Variants in AGL observed in about 807,000 individuals in gnomAD.
The protein encoded by AGL is amylo-alpha-1,6-glucosidase and 4-alpha-glucanotransferase, also known as glycogen debranching enzyme.
A neutral mutation model predicts 199.3 loss-of-function variants in AGL; 128 were observed. The ratio of observed to expected loss-of-function variants is 0.64; its 90% CI spans 0.56 to 0.74. AGL has a LOEUF of 0.74. Among genes scored for constraint, AGL ranks in the 30% least tolerant of loss-of-function variants. AGL has a pLI of 0.00. For missense variants in AGL, 1,809 were observed against 1,820.8 expected, an observed-to-expected ratio of 0.99 and a Z score of 0.12; for synonymous variants, 584 against 594.7, an observed-to-expected ratio of 0.98 and a Z score of 0.26.
chr1:99,916,837 TC>T, intron 33 of AGL, 106 bp downstream of exon 33: 2 of 1,239,948 alleles, frequency 1.6e-6, no homozygotes, highest in Non-Finnish European at 2.3e-6. Flanking sequence ...GCCCTAGGTA[TC>T]CCAATGAAAA....
Position 99,874,905 on chromosome 1 carries a change from A to G in AGL, c.1082+95A>G, listed in dbSNP as rs542376409. ...ATACTACTTATTAAAAACGCTTAAT[A>G]GAAAATGAAATAAAGTAATTCACTG... On this transcript the variant is annotated intron_variant, in intron 8 of 33. Transcript: ENST00000361915. The G allele has an allele frequency of 4.1e-4, 581 of 1,419,286 alleles. No individual in the cohort carries two copies. In the African/African-American group the frequency reaches 7.4e-3, roughly 18 times the overall value. 87.9% of individuals were successfully genotyped at this position (1,419,286 alleles called of 1,614,324 possible). A position where few individuals can be genotyped will look rare whatever the true frequency, so the allele number is the denominator to read the frequency against.
chr1:99,853,034 A>C (rs991685377), intron 2 of AGL, among the ~76,000 whole-genome samples: 3 of 151,728 alleles, frequency 2.0e-5, no homozygotes, highest in Non-Finnish European at 2.9e-5. Context: ...TTCTTTGATG[A>C]TTTCTTCTCT....
At chr1:99,853,044 T>G (rs1397620188) in intron 2 of AGL, among the ~76,000 whole-genome samples, 2 of 152,228 alleles carry the variant, frequency 1.3e-5, no homozygotes, top group Non-Finnish European at 2.9e-5. Flanking sequence ...ATTTCTTCTC[T>G]TTTCCTGCAG....
At chr1:99,914,444 T>C (rs546132567) in intron 30 of AGL, among the ~76,000 whole-genome samples, 94 of 152,358 alleles carry the variant, frequency 6.2e-4, no homozygotes, top group Non-Finnish European at 1.1e-3. Flanking sequence ...AAAAATAAAC[T>C]ACAAGGAAGT....
intron 24 of AGL, among the ~76,000 whole-genome samples, chr1:99,895,907 T>G (rs888811610): frequency 6.6e-6 from 1 of 152,066 alleles, no homozygotes; most frequent in African/African-American, 2.4e-5. Context: ...GCCTGGGAGG[T>G]GGAGGTTACA....
chr1:99,871,591 A>T (rs1202066699), intron 7 of AGL, among the ~76,000 whole-genome samples: 1 of 152,182 alleles, frequency 6.6e-6, no homozygotes, highest in Admixed American at 6.5e-5. Flanking sequence ...AAACAGAACT[A>T]GAGTAGGACT....
chr1:99,888,747 T>A (rs1467481983), intron 21 of AGL, among the ~76,000 whole-genome samples: 1 of 152,194 alleles, frequency 6.6e-6, no homozygotes, highest in Non-Finnish European at 1.5e-5. Flanking sequence ...TTATCACACC[T>A]GTATTCCTGG....
intron 27 of AGL, among the ~76,000 whole-genome samples, chr1:99,903,137 A>T (rs897909450): frequency 1.3e-5 from 2 of 151,746 alleles, no homozygotes; most frequent in African/African-American, 4.8e-5. Flanking sequence ...TATTGTTTCC[A>T]TTTTTTTTAA....
At position 99,870,387 on chromosome 1, in the gene AGL, C is replaced by CT; in HGVS notation, c.665-8dup. 1 of 1,612,704 alleles carries CT rather than the reference C, an allele frequency of 6.2e-7. No homozygotes were observed. Among genetic ancestry groups the CT allele is most frequent in the Non-Finnish European group, 8.5e-7 (1 of 1,178,876 alleles). ...ATTATGAGATACTCCTTTGTGTCTC[C>CT]TTTTTCCTTCAGCTGCTAATAGTAA... On this transcript the variant is annotated splice_polypyrimidine_tract_variant and intron_variant, in intron 5 of 33. Coordinates refer to ENST00000361915, the MANE Select transcript of AGL (RefSeq NM_000642.3).
In AGL at chr1:99,864,414, G is replaced by T; in HGVS notation, c.489G>T (p.Leu163Phe). ...ACAACATGATTCATTTTACCCCATT[G>T]CAGACTCTTGGACTATCTAGGTCAT... is the stretch of plus-strand genomic sequence containing the variant. ...SGYNMIHFTP[L>F]QTLGLSRSCY... Residue 163 changes from leucine to phenylalanine, a missense_variant, in exon 5 of 34, where the codon TTG becomes TTT. Coordinates refer to ENST00000361915, the MANE Select transcript of AGL (RefSeq NM_000642.3). 6.2e-7 allele frequency: 1 copy of T among 1,613,752 alleles called. No individual in the cohort carries two copies. The highest frequency in any genetic ancestry group is 8.5e-7 in the Non-Finnish European group (1 of 1,179,860).
chr1:99,863,626 T>A (rs1650256488), intron 4 of AGL, among the ~76,000 whole-genome samples: 1 of 152,106 alleles, frequency 6.6e-6, no homozygotes, highest in Non-Finnish European at 1.5e-5. Flanking sequence ...GCTAATATTT[T>A]GTATTTTTAG....
intron 8 of AGL, 150 bp downstream of exon 8, chr1:99,874,960 TC>T (rs1317731212): frequency 1.7e-6 from 2 of 1,161,022 alleles, no homozygotes; most frequent in Admixed American, 4.6e-5. Flanking sequence ...CATGACATTT[TC>T]CCACTTTTTC....
chr1:99,861,152 T>C, intron 2 of AGL: 1 of 1,156,354 alleles, frequency 8.6e-7, no homozygotes, highest in Non-Finnish European at 1.1e-6. Context: ...TCTCCTCAGA[T>C]GCCTGCCATT....
At chr1:99,870,970 G>A in intron 7 of AGL, 101 bp downstream of exon 7, 1 of 747,088 alleles carries the variant, frequency 1.3e-6, no homozygotes, top group Non-Finnish European at 2.3e-6. Context: ...ATATGTCATT[G>A]TATTATATTT....
In AGL at chr1:99,884,679, C is replaced by T. The variant is rs149331873; in HGVS notation, c.2657C>T (p.Pro886Leu). ...AGCCTAGCTGTTGACAATGCAGATC[C>T]TATATTAAAAATTCCTTTTGCTTCG... ...SGSLAVDNADPILKIPFASLA... is the reference protein window; with the variant it reads ...SGSLAVDNADLILKIPFASLA... Residue 886 changes from proline (P) to leucine (L), a missense_variant, in exon 20 of 34, where the codon CCT becomes CTT. Coordinates refer to ENST00000361915, the MANE Select transcript of AGL (RefSeq NM_000642.3). 1.1e-4 allele frequency: 179 copies of T among 1,613,818 alleles called. No individual in the cohort carries two copies. The highest frequency in any genetic ancestry group is 1.8e-4 in the Admixed American group (11 of 59,964).
At position 99,870,610 on chromosome 1, in the gene AGL, A is replaced by G. The variant is rs1167640269; in HGVS notation, c.846+29A>G. On this transcript the variant is annotated intron_variant, in intron 6 of 33. Transcript: ENST00000361915. ...AGTATGTACAGAGGAGTATCACACT[A>G]AAACAGAAAAAATTTCTAAAGCACA... 14 of 1,611,506 alleles carry G rather than the reference A, an allele frequency of 8.7e-6. No homozygotes were observed. In the African/African-American group the frequency reaches 1.2e-4, roughly 14 times the overall value.
chr1:99,870,342 A>G, intron 5 of AGL, 58 bp from the exon 6 acceptor site: 2 of 1,528,280 alleles, frequency 1.3e-6, no homozygotes, highest in South Asian at 2.3e-5. Context: ...TAAACTTAAC[A>G]TAGATACAGT....
chr1:99,881,176 A>G lies in AGL; in HGVS notation c.2000A>G (p.Gln667Arg). 1 of 1,613,398 alleles carries G rather than the reference A, an allele frequency of 6.2e-7. No homozygotes were observed. The highest frequency in any genetic ancestry group is 8.5e-7 in the Non-Finnish European group (1 of 1,179,396). Residue 667 changes from glutamine to arginine, a missense_variant and splice_region_variant, in exon 15 of 34, where the codon CAG (glutamine) becomes CGG (arginine). Physicochemically the swap from Gln to Arg is conservative, Grantham distance 43 (BLOSUM62 1). Transcript: ENST00000361915. ...GGCTATGATGAATTAGTGCCTCATC[A>G]GGTTTGTTTATATGTTGTTTCTTAA... ...TRGYDELVPH[Q>R]ISVVSEERFY...
chr1:99,915,440 GA>G lies in AGL; in HGVS notation c.4221del (p.Lys1407AsnfsTer8), dbSNP rs786204655. The stretch of plus-strand genomic sequence containing the variant: ...AGCATGGAAAGCTTTGGAGATTGCA[GA>G]AAAAAAATTGCTTGGTCCCCTTGGC... Reference protein sequence around the residue: ...EKAWKALEIAEKKLLGPLGMK... With the variant: ...EKAWKALEIAXKKLLGPLGMK... On this transcript the variant is annotated frameshift_variant, in exon 31 of 34. Coordinates refer to ENST00000361915, the MANE Select transcript of AGL (RefSeq NM_000642.3). LOFTEE classifies it high-confidence loss of function. 1.2e-6 allele frequency: 2 copies of G among 1,612,998 alleles called. No homozygotes were observed. Among genetic ancestry groups the G allele is most frequent in the Non-Finnish European group, 1.7e-6 (2 of 1,179,630 alleles).
Sources: gnomAD v4.1 joint callset for allele counts (sites outside exome capture counted in the v4.1 genomes callset) on GRCh38, gnomAD v4.1.1 for gene constraint, MANE v1.5 for transcripts, NCBI Gene and HGNC (gene_info 2026-07-23, HGNC 2026-07-21) for gene names.